Variants in RBFOX1 observed in about 807,000 individuals in gnomAD.
RBFOX1 encodes the protein RNA binding protein fox-1 homolog 1.
RBFOX1 carries 8 observed loss-of-function variants against 57.7 expected under a neutral mutation model. That is an observed-to-expected ratio of 0.14 (90% CI 0.08 to 0.25). RBFOX1 has a LOEUF of 0.25. Among genes scored for constraint, RBFOX1 ranks in the 10% least tolerant of loss-of-function variants. RBFOX1 has a pLI of 1.00. For synonymous variants in RBFOX1, 326 were observed against 222.4 expected, an observed-to-expected ratio of 1.47 and a Z score of -4.15; for missense variants, 611 against 548.5, an observed-to-expected ratio of 1.11 and a Z score of -1.14.
intron 1 of RBFOX1, among the ~76,000 whole-genome samples, chr16:6,247,489 A>G (rs2097575739): frequency 6.6e-6 from 1 of 152,220 alleles, no homozygotes; most frequent in African/African-American, 2.4e-5. Flanking sequence ...ATATAATTTG[A>G]ACAGTTCTGC....
intron 4 of RBFOX1, among the ~76,000 whole-genome samples, chr16:7,287,569 C>G (rs1010717576): frequency 1.3e-5 from 2 of 152,130 alleles, no homozygotes; most frequent in Non-Finnish European, 1.5e-5. Flanking sequence ...GTGACTTGGG[C>G]TACTTAAATG....
At chr16:7,406,118 C>A (rs961559158) in intron 4 of RBFOX1, among the ~76,000 whole-genome samples, 2 of 152,172 alleles carry the variant, frequency 1.3e-5, no homozygotes, top group Non-Finnish European at 2.9e-5. Flanking sequence ...TGGCAAGATA[C>A]CCGCATTGCC....
chr16:7,581,857 C>G (rs1039643633), intron 6 of RBFOX1, among the ~76,000 whole-genome samples: 6 of 152,054 alleles, frequency 3.9e-5, no homozygotes, highest in Admixed American at 6.6e-5. Flanking sequence ...ACTACAGGCA[C>G]AAGCCACCAT....
intron 3 of RBFOX1, among the ~76,000 whole-genome samples, chr16:5,865,912 G>A (rs1270001147): frequency 6.6e-6 from 1 of 151,958 alleles, no homozygotes; most frequent in Admixed American, 6.6e-5. Context: ...GAGAGAGAGA[G>A]AGAGGGAGAG....
intron 5 of RBFOX1, among the ~76,000 whole-genome samples, chr16:7,532,043 A>G (rs1000668318): frequency 2.0e-5 from 3 of 151,960 alleles, no homozygotes; most frequent in African/African-American, 7.3e-5. Flanking sequence ...CCCAAATTGT[A>G]TTTGACTTCT....
At chr16:7,587,131 G>A (rs912005289) in intron 6 of RBFOX1, 116 bp from the exon 7 acceptor site, 5 of 1,214,754 alleles carry the variant, frequency 4.1e-6, no homozygotes, top group South Asian at 3.6e-5. Flanking sequence ...AACATAAAAT[G>A]TGTATCCTTG....
chr16:6,594,102 C>T (rs1030935600), intron 2 of RBFOX1, among the ~76,000 whole-genome samples: 2 of 152,156 alleles, frequency 1.3e-5, no homozygotes, highest in Non-Finnish European at 2.9e-5. Flanking sequence ...GTGTCCTCAT[C>T]ATGTTGAAGT....
intron 4 of RBFOX1, among the ~76,000 whole-genome samples, chr16:7,107,827 A>G (rs2063883612): frequency 6.6e-6 from 1 of 152,116 alleles, no homozygotes. Context: ...AGGATCTTAA[A>G]CATCTCTAAC....
chr16:7,568,795 G>C (rs1194653677), intron 5 of RBFOX1, among the ~76,000 whole-genome samples: 1 of 147,974 alleles, frequency 6.8e-6, no homozygotes, highest in Non-Finnish European at 1.5e-5. Flanking sequence ...GCTGAGGCAG[G>C]AGAATGGCGT....
At chr16:6,640,344 C>A (rs1394013734) in intron 2 of RBFOX1, among the ~76,000 whole-genome samples, 1 of 152,040 alleles carries the variant, frequency 6.6e-6, no homozygotes, top group African/African-American at 2.4e-5. Flanking sequence ...CATAGTGGCT[C>A]ACATCTGTAA....
intron 4 of RBFOX1, among the ~76,000 whole-genome samples, chr16:7,503,027 A>T (rs889495496): frequency 5.3e-5 from 8 of 152,102 alleles, no homozygotes; most frequent in Non-Finnish European, 1.0e-4. Flanking sequence ...TGTCTCAAAA[A>T]AAATAAATAA....
chr16:6,968,623 T>G (rs919852830), intron 3 of RBFOX1, among the ~76,000 whole-genome samples: 6 of 152,146 alleles, frequency 3.9e-5, no homozygotes, highest in Admixed American at 6.5e-5. Flanking sequence ...AGTTTCAGTT[T>G]GCATTTACAC....
At chr16:6,656,948 C>CTCTCCTCCCCTTTCCTCTCG (rs1351437118) in intron 3 of RBFOX1, among the ~76,000 whole-genome samples, 1 of 136,070 alleles carries the variant, frequency 7.3e-6, no homozygotes. Context: ...CTCCCCTTTC[C>CTCTCCTCCCCTTTCCTCTCG]TCTCCTCCCC....
chr16:7,079,193 C>G (rs1352971407), intron 4 of RBFOX1, among the ~76,000 whole-genome samples: 2 of 152,078 alleles, frequency 1.3e-5, no homozygotes, highest in African/African-American at 4.8e-5. Flanking sequence ...TATCTCTGCA[C>G]CATCCAGGCG....
chr16:5,851,729 G>A (rs1215700867), intron 3 of RBFOX1, among the ~76,000 whole-genome samples: 2 of 152,198 alleles, frequency 1.3e-5, no homozygotes, highest in Non-Finnish European at 2.9e-5. Context: ...CGTAAATACT[G>A]TGTCCTTTTA....
At chr16:6,878,600 A>G (rs533053319) in intron 3 of RBFOX1, among the ~76,000 whole-genome samples, 24 of 152,230 alleles carry the variant, frequency 1.6e-4, no homozygotes, top group Middle Eastern at 6.8e-3. Flanking sequence ...CAGTGTCCTC[A>G]TGTGAACATT....
At chr16:7,515,805 G>A (rs867306179) in intron 4 of RBFOX1, among the ~76,000 whole-genome samples, 4 of 152,104 alleles carry the variant, frequency 2.6e-5, no homozygotes, top group Middle Eastern at 3.2e-3. Context: ...TTGGCCTCAC[G>A]TGTAGGGAGG....
chr16:6,612,654 T>A (rs535762582), intron 2 of RBFOX1, among the ~76,000 whole-genome samples: 1 of 151,750 alleles, frequency 6.6e-6, no homozygotes, highest in Non-Finnish European at 1.5e-5. Context: ...GAGTTCAAGA[T>A]CAGCCTGGCC....
chr16:5,986,934 A>G (rs1430418980), intron 4 of RBFOX1, among the ~76,000 whole-genome samples: 1 of 152,148 alleles, frequency 6.6e-6, no homozygotes, highest in African/African-American at 2.4e-5. Flanking sequence ...TGTTTAGTTT[A>G]TGTGTCACTG....
Sources: allele counts gnomAD v4.1 joint callset (sites outside exome capture counted in the v4.1 genomes callset), GRCh38; gene constraint gnomAD v4.1.1; transcripts MANE v1.5; gene names NCBI Gene and HGNC (gene_info 2026-07-23, HGNC 2026-07-21).